LIMA1: variants seen among roughly 807,000 people sequenced by gnomAD.
The protein encoded by LIMA1 is LIM domain and actin-binding protein 1.
In LIMA1, 52 loss-of-function variants were observed where a neutral mutation model predicts 62.6. The observed-to-expected ratio is 0.83, with a 90% CI of 0.67 to 1.05. The LOEUF (loss-of-function observed/expected upper bound fraction) is 1.05, where lower values mean the gene tolerates loss of function less well. Ranked by LOEUF, LIMA1 falls within the 50% of genes least tolerant of loss-of-function variation. The probability of loss-of-function intolerance (pLI) is 0.00; values close to 1 mark genes in which losing one functional copy is unlikely to be tolerated. For synonymous variants in LIMA1, 302 were observed against 317.8 expected (o/e 0.95, Z 0.53); for missense variants, 780 against 902.2 (o/e 0.86, Z 1.74).
At chr12:50,222,813 G>A (rs1941470323) in intron 3 of LIMA1, 1 of 669,936 alleles carries the variant, frequency 1.5e-6, no homozygotes, top group Non-Finnish European at 2.0e-6. Context: ...GATTAATGGG[G>A]AAAAAAACAA....
chr12:50,280,033 G>A (rs1378439333), intron 1 of LIMA1, among the ~76,000 whole-genome samples: 4 of 151,100 alleles, frequency 2.6e-5, no homozygotes, highest in African/African-American at 9.7e-5. Flanking sequence ...CATAAACTCT[G>A]TTACAGAATA....
intron 4 of LIMA1, among the ~76,000 whole-genome samples, chr12:50,217,490 A>AAT (rs2138536617): frequency 6.6e-6 from 1 of 151,504 alleles, no homozygotes; most frequent in East Asian, 1.9e-4. Context: ...TTTGAAGTAA[A>AAT]ATCTTTTTTT....
At chr12:50,253,417 A>G (rs1941954706) in intron 1 of LIMA1, among the ~76,000 whole-genome samples, 1 of 152,234 alleles carries the variant, frequency 6.6e-6, no homozygotes, top group African/African-American at 2.4e-5. Flanking sequence ...ACTTAGCTAT[A>G]AAGTAGCAGA....
intron 1 of LIMA1, among the ~76,000 whole-genome samples, chr12:50,263,107 C>T (rs1240098841): frequency 2.6e-5 from 4 of 152,142 alleles, no homozygotes; most frequent in Non-Finnish European, 5.9e-5. Context: ...AACAATGACT[C>T]GTGATAATAA....
At chr12:50,200,012 G>A (rs763476355) in intron 7 of LIMA1, among the ~76,000 whole-genome samples, 17 of 151,974 alleles carry the variant, frequency 1.1e-4, no homozygotes, top group Non-Finnish European at 1.6e-4. Flanking sequence ...AACTGTCTCA[G>A]CCTCCTGAGT....
At chr12:50,194,553 C>T (rs1038982278) in intron 8 of LIMA1, among the ~76,000 whole-genome samples, 2 of 151,964 alleles carry the variant, frequency 1.3e-5, no homozygotes, top group Non-Finnish European at 2.9e-5. Flanking sequence ...CCACTTAGGC[C>T]TCCCAAAGTG....
rs1268652502 is a variant in LIMA1 at position 50,175,853 on chromosome 12, G to T, written c.*1211C>A. On this transcript the variant is annotated 3_prime_UTR_variant, in exon 11 of 11. Transcript: ENST00000341247. Reference sequence around the variant, plus strand: ...CAGACTAGGTAAGACTAAGAAAGCAGAATGTTTTACATCTCTAAAAAATAT... The same window carrying T: ...CAGACTAGGTAAGACTAAGAAAGCATAATGTTTTACATCTCTAAAAAATAT... 1 of 152,086 alleles carries T rather than the reference G, an allele frequency of 6.6e-6. No individual in the cohort carries two copies. The highest frequency in any genetic ancestry group is 6.6e-5 in the Admixed American group (1 of 15,254). 9.4% of individuals were successfully genotyped at this position (152,086 alleles called of 1,614,324 possible).
intron 4 of LIMA1, among the ~76,000 whole-genome samples, chr12:50,221,397 C>A (rs1592531764): frequency 6.6e-6 from 1 of 152,166 alleles, no homozygotes; most frequent in South Asian, 2.1e-4. Context: ...GTCTGCAATC[C>A]ACATGAAGGA....
chr12:50,195,916 A>G, intron 7 of LIMA1, 29 bp from the exon 8 acceptor site: 1 of 1,471,472 alleles, frequency 6.8e-7, no homozygotes, highest in Non-Finnish European at 9.2e-7. Context: ...AAAAAAAGTT[A>G]GAGGGGGATT....
chr12:50,193,666 ATTT>A (rs1166489086), intron 8 of LIMA1, among the ~76,000 whole-genome samples: 622 of 59,938 alleles, frequency 0.01, 27 homozygotes, highest in East Asian at 0.08. Context: ...ATATATATAT[ATTT>A]TTTTTTTTTT....
intron 3 of LIMA1, among the ~76,000 whole-genome samples, chr12:50,229,599 C>G (rs1008345105): frequency 6.6e-6 from 1 of 151,872 alleles, no homozygotes; most frequent in Non-Finnish European, 1.5e-5. Flanking sequence ...ATGTAAATGA[C>G]GAGTTAATGG....
rs778805635 is a variant in LIMA1, at chr12:50,181,910, T to C, written c.1268A>G (p.Lys423Arg). 4 of 1,613,990 alleles carry C rather than the reference T, an allele frequency of 2.5e-6. No individual in the cohort carries two copies. Among genetic ancestry groups the C allele is most frequent in the South Asian group, 1.1e-5 (1 of 91,076 alleles). The change falls in exon 10 of 11, where the codon AAA becomes AGA. Residue 423 changes from lysine to arginine, a missense_variant. Transcript: ENST00000341247. ...SCFRCSYCNNKLSLGTYASLH... is the reference protein window; with the variant it reads ...SCFRCSYCNNRLSLGTYASLH... Reference sequence around the variant, plus strand: ...TTGTTTTGGGCTGACTTACCTGAGTTTGTTGTTGCAATAGGAGCAACGGAA... The same window carrying C: ...TTGTTTTGGGCTGACTTACCTGAGTCTGTTGTTGCAATAGGAGCAACGGAA...
At chr12:50,236,319 A>G (rs917117424) in intron 2 of LIMA1, among the ~76,000 whole-genome samples, 1 of 132,624 alleles carries the variant, frequency 7.5e-6, no homozygotes, top group African/African-American at 2.9e-5. Flanking sequence ...TTTTTTTGAC[A>G]TGGAGTCTCA....
chr12:50,180,853 C>CTA (rs537074950), intron 10 of LIMA1, among the ~76,000 whole-genome samples: 122 of 152,136 alleles, frequency 8.0e-4, no homozygotes, highest in African/African-American at 2.7e-3. Flanking sequence ...TGGCTCACAC[C>CTA]TATAATCTCA....
At chr12:50,185,139 G>A (rs1029306829) in intron 9 of LIMA1, among the ~76,000 whole-genome samples, 3 of 152,096 alleles carry the variant, frequency 2.0e-5, no homozygotes, top group Non-Finnish European at 4.4e-5. Context: ...CCGGAATTCT[G>A]TATTTTTTAA....
chr12:50,184,015 A>T (rs1006178724), intron 9 of LIMA1, among the ~76,000 whole-genome samples: 1 of 152,122 alleles, frequency 6.6e-6, no homozygotes, highest in Non-Finnish European at 1.5e-5. Flanking sequence ...AATTAGTGGT[A>T]AACTCCCAAG....
chr12:50,234,780 G>A (rs559049903), intron 2 of LIMA1, among the ~76,000 whole-genome samples: 1 of 152,194 alleles, frequency 6.6e-6, no homozygotes, highest in South Asian at 2.1e-4. Context: ...TTGGGAGGCC[G>A]AGCTGGGCGG....
At position 50,177,351 on chromosome 12, in the gene LIMA1, T is replaced by C; in HGVS notation, c.1993A>G (p.Arg665Gly). The C allele has an allele frequency of 3.1e-6, 5 of 1,614,230 alleles. No individual in the cohort carries two copies. Among genetic ancestry groups the C allele is most frequent in the Non-Finnish European group, 4.2e-6 (5 of 1,180,048 alleles). ...TCCAAACTATGACCTTCCTTACTTCTCTTCCCTGTCTCTCCTTTAGATTCT... is the reference window on the plus strand; with the variant it reads ...TCCAAACTATGACCTTCCTTACTTCCCTTCCCTGTCTCTCCTTTAGATTCT... ...NKESKGETGKRSKEGHSLEME... is the reference protein window; with the variant it reads ...NKESKGETGKGSKEGHSLEME... The change falls in exon 11 of 11, where the codon AGA becomes GGA. Residue 665 changes from arginine (R) to glycine (G), a missense_variant. Arg to Gly is a moderately radical substitution (Grantham distance 125). Coordinates refer to ENST00000341247, the MANE Select transcript of LIMA1 (RefSeq NM_016357.5).
intron 10 of LIMA1, among the ~76,000 whole-genome samples, chr12:50,179,340 C>T (rs1392791668): frequency 6.6e-6 from 1 of 152,078 alleles, no homozygotes; most frequent in East Asian, 1.9e-4. Flanking sequence ...CGGGGTTTCA[C>T]CATGTTGGCC....
Sources: gnomAD v4.1 joint callset for allele counts (sites outside exome capture counted in the v4.1 genomes callset) on GRCh38, gnomAD v4.1.1 for gene constraint, MANE v1.5 for transcripts, NCBI Gene and HGNC (gene_info 2026-07-23, HGNC 2026-07-21) for gene names.